Variants in DMD observed in about 807,000 individuals in gnomAD.
DMD encodes dystrophin, also known as mutant dystrophin.
DMD carries 63 observed loss-of-function variants against 330.1 expected under a neutral mutation model. The observed-to-expected ratio is 0.19, with a 90% CI of 0.16 to 0.24. DMD has a LOEUF of 0.24. Among genes scored for constraint, DMD ranks in the 10% least tolerant of loss-of-function variants. The pLI is 1.00. For synonymous variants in DMD, 1,223 were observed against 959.8 expected, an observed-to-expected ratio of 1.27 and a Z score of -5.07; for missense variants, 3,344 against 2,684.1, an observed-to-expected ratio of 1.25 and a Z score of -5.43.
intron 44 of DMD, among the ~76,000 whole-genome samples, chrX:32,112,658 A>G (rs1385968236): frequency 8.9e-6 from 1 of 112,135 alleles, no homozygotes; most frequent in East Asian, 2.8e-4. Flanking sequence ...TAGAAAGAAA[A>G]CAATAGGGCA....
intron 2 of DMD, among the ~76,000 whole-genome samples, chrX:32,946,639 C>G (rs186528794): frequency 2.6e-4 from 29 of 112,067 alleles, no homozygotes; most frequent in African/African-American, 9.4e-4. Flanking sequence ...ACAGATATAT[C>G]AAATTAATCA....
chrX:32,276,465 G>A (rs781307147), intron 43 of DMD, among the ~76,000 whole-genome samples: 1 of 112,097 alleles, frequency 8.9e-6, no homozygotes, highest in East Asian at 2.8e-4. Context: ...TAACAAAAGT[G>A]ACTCCTTACT....
At chrX:33,299,578 A>G (rs1328344441) in intron 1 of DMD, among the ~76,000 whole-genome samples, 3 of 111,682 alleles carry the variant, frequency 2.7e-5, no homozygotes, top group African/African-American at 9.7e-5. Flanking sequence ...ATGTGCAAGA[A>G]TCTTAAAATG....
chrX:32,667,117 T>G (rs753905598), intron 9 of DMD, among the ~76,000 whole-genome samples: 1 of 111,684 alleles, frequency 9.0e-6, no homozygotes, highest in South Asian at 3.8e-4. Flanking sequence ...TGCCATTTGC[T>G]ACAACATGGA....
chrX:31,818,892 A>G (rs2092693871), intron 50 of DMD, among the ~76,000 whole-genome samples: 1 of 111,557 alleles, frequency 9.0e-6, no homozygotes, highest in African/African-American at 3.3e-5. Flanking sequence ...CTTCTAATGA[A>G]TTATGATTGT....
rs1394753515 is a variant in DMD at position 32,829,506 on chromosome X, TTTG to T, written c.265-6122_265-6120del. ...CGTCTAGTTTTTATTCTAAGTTTTC[TTTG>T]TTATGACTGGGATAGGTTTACCTAT... On this transcript the variant is annotated intron_variant, in intron 4 of 78. Transcript: ENST00000357033. Among the ~76,000 whole-genome samples the T allele has an allele frequency of 5.4e-5, 6 of 112,050 alleles. No individual in the cohort carries two copies. In the East Asian group the frequency reaches 1.7e-3, roughly 31 times the overall value.
intron 52 of DMD, among the ~76,000 whole-genome samples, chrX:31,715,220 TGG>T (rs79807469): frequency 3.9e-5 from 3 of 77,729 alleles, no homozygotes; most frequent in African/African-American, 1.3e-4. Context: ...TGGGGGTTGG[TGG>T]GGGGGGAGCT....
chrX:32,754,769 G>C (rs1303998849), intron 7 of DMD, among the ~76,000 whole-genome samples: 1 of 110,794 alleles, frequency 9.0e-6, no homozygotes, highest in Non-Finnish European at 1.9e-5. Context: ...CATTTATACT[G>C]TTATAGAAAT....
chrX:31,528,444 G>C (rs773828212), intron 55 of DMD, among the ~76,000 whole-genome samples: 15 of 111,770 alleles, frequency 1.3e-4, no homozygotes, highest in Non-Finnish European at 2.6e-4. Context: ...TCACAAACTT[G>C]ATACATACGT....
intron 9 of DMD, among the ~76,000 whole-genome samples, chrX:32,674,554 C>A (rs778163162): frequency 1.7e-4 from 19 of 111,261 alleles, no homozygotes; most frequent in Non-Finnish European, 3.0e-4. Flanking sequence ...ACTCTCAGTT[C>A]TAGATATGCG....
chrX:31,522,900 C>T (rs773201255), intron 55 of DMD, among the ~76,000 whole-genome samples: 1 of 111,528 alleles, frequency 9.0e-6, no homozygotes, highest in Non-Finnish European at 1.9e-5. Context: ...GGGAGTCAGA[C>T]AGTCTATGTT....
At position 32,021,409 on chromosome X, in the gene DMD, A is replaced by G. The variant is rs181962805; in HGVS notation, c.6439-52895T>C. Among the ~76,000 whole-genome samples the G allele has an allele frequency of 5.9e-3, 666 of 112,016 alleles. 1 individual carries two copies. The highest frequency in any genetic ancestry group is 0.011 in the Non-Finnish European group (572 of 53,237). On this transcript the variant is annotated intron_variant, in intron 44 of 78. Coordinates refer to ENST00000357033, the MANE Select transcript of DMD (RefSeq NM_004006.3). ...ATGAGCATTGTTTACTAGAAATTCA[A>G]GATAATGGTTACTTTTGGCTCTGGG...
At chrX:31,240,257 C>T (rs1042627622) in intron 63 of DMD, among the ~76,000 whole-genome samples, 5 of 111,027 alleles carry the variant, frequency 4.5e-5, no homozygotes, top group Non-Finnish European at 9.4e-5. Context: ...AAGAACAGAA[C>T]ATTGTGCCTA....
chrX:31,215,427 C>T (rs2045314159), intron 64 of DMD, among the ~76,000 whole-genome samples: 1 of 111,008 alleles, frequency 9.0e-6, no homozygotes, highest in African/African-American at 3.3e-5. Context: ...CCAACCTATC[C>T]AACACACTGG....
intron 44 of DMD, among the ~76,000 whole-genome samples, chrX:32,026,869 C>A (rs1022545641): frequency 9.0e-6 from 1 of 110,961 alleles, no homozygotes; most frequent in Non-Finnish European, 1.9e-5. Context: ...TTTTTCATCT[C>A]CTAGGTCTTT....
At chrX:32,454,964 A>G (rs1251663184) in intron 25 of DMD, 132 bp from the exon 26 acceptor site, 1 of 727,526 alleles carries the variant, frequency 1.4e-6, no homozygotes, top group African/African-American at 2.2e-5. Flanking sequence ...TTATATGCAT[A>G]AGAAAATAAC....
At chrX:32,430,251 T>C (rs2098232699) in intron 29 of DMD, among the ~76,000 whole-genome samples, 2 of 112,138 alleles carry the variant, frequency 1.8e-5, no homozygotes, top group Admixed American at 1.9e-4. Context: ...TTTGGATTTC[T>C]GCACTTTCAC....
At chrX:32,770,188 G>A in intron 7 of DMD, among the ~76,000 whole-genome samples, 1 of 111,725 alleles carries the variant, frequency 9.0e-6, no homozygotes, top group African/African-American at 3.3e-5. Flanking sequence ...ACAAGAGAAT[G>A]ACATGCTTAG....
At chrX:33,334,804 G>A (rs549680152) in intron 1 of DMD, among the ~76,000 whole-genome samples, 2 of 111,064 alleles carry the variant, frequency 1.8e-5, no homozygotes, top group South Asian at 7.5e-4. Context: ...GTTTTTAAAA[G>A]AAATGATTGG....
Sources: allele counts gnomAD v4.1 joint callset (sites outside exome capture counted in the v4.1 genomes callset), GRCh38; gene constraint gnomAD v4.1.1; transcripts MANE v1.5; gene names NCBI Gene and HGNC (gene_info 2026-07-23, HGNC 2026-07-21).